The following USP36 variants were observed in gnomAD, a reference collection of about 807,000 sequenced individuals.
USP36 encodes ubiquitin carboxyl-terminal hydrolase 36.
In USP36, 59 loss-of-function variants were observed where a neutral mutation model predicts 111.5. That is an observed-to-expected ratio of 0.53 (90% confidence interval 0.43 to 0.66). The LOEUF is 0.66. Ranked by LOEUF, USP36 falls within the 30% of genes least tolerant of loss-of-function variation. USP36 has a pLI of 0.00. For missense variants in USP36, 1,488 were observed against 1,468.0 expected, an observed-to-expected ratio of 1.01 and a Z score of -0.22; for synonymous variants, 628 against 581.0, an observed-to-expected ratio of 1.08 and a Z score of -1.16.
At chr17:78,792,526 C>G (rs974426640), downstream of USP36, among the ~76,000 whole-genome samples, 2 of 152,122 alleles carry the variant, frequency 1.3e-5, no homozygotes, top group Admixed American at 1.3e-4. Flanking sequence ...GCAGCAGCCC[C>G]GGGGACTATT....
At position 78,821,073 on chromosome 17, in the gene USP36, C is replaced by G; in HGVS notation, c.758-12G>C. 6.3e-7 allele frequency: 1 copy of G among 1,593,408 alleles called. No homozygotes were observed. Among genetic ancestry groups the G allele is most frequent in the Non-Finnish European group, 8.6e-7 (1 of 1,169,320 alleles). ...CACGGAGCACTTCACTGCAACAGAA[C>G]AGAGGCAGTGGAGCAGGTGGGGCCT... On this transcript the variant is annotated splice_polypyrimidine_tract_variant and intron_variant, in intron 7 of 20. Coordinates refer to ENST00000449938, the MANE Select transcript of USP36 (RefSeq NM_001385174.1).
At chr17:78,840,850 A>G (rs1282864036), upstream of USP36, 2 of 152,332 alleles carry the variant, frequency 1.3e-5, no homozygotes, top group Admixed American at 1.3e-4. Context: ...TGTCACCGCG[A>G]CGCTTAAAGG....
In USP36 at chr17:78,820,973, G is replaced by C. The variant is rs769127788; in HGVS notation, c.828+18C>G. The C allele has an allele frequency of 2.4e-5, 39 of 1,603,416 alleles. No individual in the cohort carries two copies. The highest frequency in any genetic ancestry group is 3.3e-5 in the Non-Finnish European group (39 of 1,174,714). ...TCGCTCTCCTACTGCAAAAGTGAAG[G>C]GCAGGACAGATCTGTACCCGGATCT... On this transcript the variant is annotated intron_variant, in intron 8 of 20. Coordinates refer to ENST00000449938, the MANE Select transcript of USP36 (RefSeq NM_001385174.1).
chr17:78,811,636 G>A (rs2094058171), intron 13 of USP36, among the ~76,000 whole-genome samples: 1 of 152,182 alleles, frequency 6.6e-6, no homozygotes, highest in Non-Finnish European at 1.5e-5. Context: ...TTGGGAGGCT[G>A]AGGCGGGTGG....
At chr17:78,828,775 C>A (rs971225066) in intron 5 of USP36, 122 bp downstream of exon 5, 1 of 956,646 alleles carries the variant, frequency 1.0e-6, no homozygotes, top group East Asian at 2.7e-5. Context: ...CAGGCCAAAA[C>A]GGAAGGACTG....
At chr17:78,813,899 A>G (rs778431220) in intron 11 of USP36, 26 bp from the exon 12 acceptor site, 3 of 1,599,378 alleles carry the variant, frequency 1.9e-6, no homozygotes, top group East Asian at 2.2e-5. Context: ...ATGTTGCAGA[A>G]AACAAAACAA....
intron 5 of USP36, among the ~76,000 whole-genome samples, chr17:78,828,600 G>A (rs529025638): frequency 6.6e-6 from 1 of 152,254 alleles, no homozygotes; most frequent in East Asian, 1.9e-4. Context: ...ACCACCACAT[G>A]CAGGGCTGTT....
intron 13 of USP36, among the ~76,000 whole-genome samples, chr17:78,808,403 A>G (rs1315997435): frequency 6.6e-6 from 1 of 152,114 alleles, no homozygotes; most frequent in Non-Finnish European, 1.5e-5. Context: ...GGAGTAGACC[A>G]CCACACCCGA....
intron 6 of USP36, among the ~76,000 whole-genome samples, chr17:78,824,398 G>A (rs574543837): frequency 7.2e-5 from 11 of 152,216 alleles, no homozygotes; most frequent in Non-Finnish European, 1.3e-4. Context: ...TCAAAAGGGC[G>A]TATGAAACCA....
intron 3 of USP36, among the ~76,000 whole-genome samples, chr17:78,789,607 C>A (rs1203750715): frequency 6.6e-6 from 1 of 152,160 alleles, no homozygotes; most frequent in Non-Finnish European, 1.5e-5. Context: ...GCTTTGAAAA[C>A]CCCCAGATTT....
chr17:78,814,351 G>A (rs1018787586), intron 11 of USP36, 61 bp downstream of exon 11: 23 of 1,597,470 alleles, frequency 1.4e-5, no homozygotes, highest in Non-Finnish European at 1.8e-5. Flanking sequence ...GGCCGCATCT[G>A]GATGTGCATG....
intron 10 of USP36, among the ~76,000 whole-genome samples, chr17:78,818,369 A>C (rs2094237208): frequency 6.6e-6 from 1 of 152,118 alleles, no homozygotes; most frequent in Non-Finnish European, 1.5e-5. Context: ...ATTTTGCAAA[A>C]ATGCAGATTC....
At chr17:78,793,249 G>C (rs149829984), downstream of USP36, among the ~76,000 whole-genome samples, 58 of 152,206 alleles carry the variant, frequency 3.8e-4, no homozygotes, top group African/African-American at 1.3e-3. Flanking sequence ...AGGTAGCCTT[G>C]GAAGTCACTT....
intron 4 of USP36, among the ~76,000 whole-genome samples, chr17:78,834,997 G>GTGTGTATA (rs968867639): frequency 7.8e-5 from 11 of 141,388 alleles, no homozygotes; most frequent in African/African-American, 2.8e-4. Context: ...AATAATATTT[G>GTGTGTATA]TATATATATA....
chr17:78,832,751 G>A (rs75288702), intron 4 of USP36, among the ~76,000 whole-genome samples: 1 of 152,082 alleles, frequency 6.6e-6, no homozygotes. Context: ...ACCATGAGAC[G>A]AAAACAACAG....
At chr17:78,820,122 T>C (rs181966734) in intron 8 of USP36, 110 bp from the exon 9 acceptor site, 3 of 1,112,810 alleles carry the variant, frequency 2.7e-6, no homozygotes, top group African/African-American at 1.6e-5. Flanking sequence ...TCACAGAACT[T>C]AGACTCGCAT....
chr17:78,815,952 A>G (rs549814845), intron 10 of USP36, among the ~76,000 whole-genome samples: 96 of 152,248 alleles, frequency 6.3e-4, no homozygotes, highest in African/African-American at 2.2e-3. Context: ...ACATGCATGC[A>G]CACACATATA....
Position 78,836,907 on chromosome 17 carries a change from C to T in USP36, c.-9-535G>A, listed in dbSNP as rs114712966. Reference sequence around the variant, plus strand: ...CATGTCTGTACAGACCTGCACTCTTCAATATGAAGGCCACAGGCCACACGT... The same window carrying T: ...CATGTCTGTACAGACCTGCACTCTTTAATATGAAGGCCACAGGCCACACGT... On this transcript the variant is annotated intron_variant, in intron 2 of 20. Coordinates refer to ENST00000449938, the MANE Select transcript of USP36 (RefSeq NM_001385174.1). Among the ~76,000 whole-genome samples, 806 of 152,168 alleles carry T rather than the reference C, an allele frequency of 5.3e-3. 7 individuals are homozygous for T. The highest frequency in any genetic ancestry group is 0.018 in the African/African-American group (748 of 41,504).
At chr17:78,840,514 C>T (rs996313249) in intron 1 of USP36, 2 of 152,300 alleles carry the variant, frequency 1.3e-5, no homozygotes, top group Non-Finnish European at 2.9e-5. Context: ...CCCGGACCCT[C>T]CTCGGGAATA....
Sources: allele counts gnomAD v4.1 joint callset (sites outside exome capture counted in the v4.1 genomes callset), GRCh38; gene constraint gnomAD v4.1.1; transcripts MANE v1.5; gene names NCBI Gene and HGNC (gene_info 2026-07-23, HGNC 2026-07-21).